The following TMEM67 variants were observed in gnomAD, a reference collection of about 807,000 sequenced individuals.
The protein encoded by TMEM67 is transmembrane protein 67.
TMEM67 carries 124 observed loss-of-function variants against 136.6 expected under a neutral mutation model. That is an observed-to-expected ratio of 0.91 (90% CI 0.78 to 1.05). TMEM67 has a LOEUF of 1.05. Among genes scored for constraint, TMEM67 ranks in the 50% least tolerant of loss-of-function variants. The pLI is 0.00. For synonymous variants in TMEM67, 364 were observed against 390.5 expected, an observed-to-expected ratio of 0.93 and a Z score of 0.80; for missense variants, 1,107 against 1,178.4, an observed-to-expected ratio of 0.94 and a Z score of 0.89.
chr8:93,782,403 A>G lies in TMEM67; in HGVS notation c.1074A>G (p.Pro358=). The change falls in exon 11 of 28, where the codon CCA becomes CCG. Residue 358 remains proline, a synonymous_variant. Coordinates refer to ENST00000453321, the MANE Select transcript of TMEM67 (RefSeq NM_153704.6). ...TLEGGVLQLC[P]DTETRLNAAY... The stretch of plus-strand genomic sequence containing the variant: ...GTATTATTTTGCTGCAGCTTTGTCC[A>G]GACACAGAGACAAGGCTAAATGCTG... 1 of 1,612,626 alleles carries G rather than the reference A, an allele frequency of 6.2e-7. No homozygotes were observed. The highest frequency in any genetic ancestry group is 8.5e-7 in the Non-Finnish European group (1 of 1,179,130).
At chr8:93,755,909 G>A in intron 2 of TMEM67, 43 bp downstream of exon 2, 1 of 1,081,354 alleles carries the variant, frequency 9.2e-7, no homozygotes, top group Non-Finnish European at 1.4e-6. Flanking sequence ...GTAAAAAGTA[G>A]TAAGTTAAAT....
chr8:93,795,338 G>A, intron 16 of TMEM67, 71 bp from the exon 17 acceptor site: 2 of 1,169,500 alleles, frequency 1.7e-6, no homozygotes, highest in Non-Finnish European at 2.6e-6. Context: ...ATGTATAAAA[G>A]TGGTAGTGTT....
chr8:93,816,430 TG>T lies in TMEM67; in HGVS notation c.2968del (p.Asp990IlefsTer5). On this transcript the variant is annotated frameshift_variant, in exon 28 of 28. Transcript: ENST00000453321. LOFTEE classifies it high-confidence loss of function. ...GQKNLASKTL[V>X]DQRFLI Reference sequence around the variant, plus strand: ...AAGAATTTGGCATCCAAAACATTGGTGGATCAAAGATTTTTGATTTAACTTC... The same window carrying T: ...AAGAATTTGGCATCCAAAACATTGGTGATCAAAGATTTTTGATTTAACTTC... 1 of 1,596,684 alleles carries T rather than the reference TG, an allele frequency of 6.3e-7. No individual in the cohort carries two copies. Among genetic ancestry groups the T allele is most frequent in the Non-Finnish European group, 8.6e-7 (1 of 1,165,758 alleles).
Position 93,809,119 on chromosome 8 carries a change from A to T in TMEM67, c.2619A>T (p.Ala873=), listed in dbSNP as rs1469398118. ...SASTFEQSIK[A]YHMMNKFLGS... is the part of the protein sequence containing the mutation. ...GTACTTTTGAGCAGAGTATAAAAGC[A>T]TATCATATGATGAATAAATTTCTTG... The change falls in exon 25 of 28, where the codon GCA becomes GCT. Residue 873 remains alanine (A), a synonymous_variant. Transcript: ENST00000453321. 2 of 1,609,298 alleles carry T rather than the reference A, an allele frequency of 1.2e-6. No individual in the cohort carries two copies. The highest frequency in any genetic ancestry group is 1.7e-6 in the Non-Finnish European group (2 of 1,176,240).
downstream of TMEM67, among the ~76,000 whole-genome samples, chr8:93,821,143 G>GA (rs1390360165): frequency 6.6e-6 from 1 of 152,042 alleles, no homozygotes; most frequent in Non-Finnish European, 1.5e-5. Flanking sequence ...TATCCCAGTG[G>GA]AAAAAATGCA....
chr8:93,813,325 C>T (rs928269932), intron 26 of TMEM67, among the ~76,000 whole-genome samples: 1 of 151,786 alleles, frequency 6.6e-6, no homozygotes, highest in Admixed American at 6.6e-5. Context: ...ATTACAGGCA[C>T]CTGCCACCAC....
chr8:93,827,654 C>T, the TMEM67 span, among the ~76,000 whole-genome samples: 2 of 150,626 alleles, frequency 1.3e-5, no homozygotes, highest in Non-Finnish European at 3.0e-5. Flanking sequence ...GATGAGGATC[C>T]CACTGTGTGG....
intron 2 of TMEM67, among the ~76,000 whole-genome samples, chr8:93,758,158 TTG>T (rs1434106441): frequency 1.3e-5 from 2 of 152,244 alleles, no homozygotes; most frequent in Admixed American, 6.5e-5. Context: ...TTGTGTTGTG[TTG>T]TGTTTTATAT....
intron 2 of TMEM67, 112 bp from the exon 3 acceptor site, chr8:93,758,371 T>C (rs1812675575): frequency 6.5e-6 from 5 of 770,458 alleles, no homozygotes; most frequent in Non-Finnish European, 1.1e-5. Context: ...ATATGTATGA[T>C]TTATTTGAAT....
intron 26 of TMEM67, among the ~76,000 whole-genome samples, chr8:93,810,265 A>G (rs1808650529): frequency 7.1e-6 from 1 of 141,380 alleles, no homozygotes; most frequent in Admixed American, 7.0e-5. Flanking sequence ...CACCACCCCC[A>G]GCTGATATTT....
chr8:93,785,008 C>A (rs1814027764), intron 11 of TMEM67, among the ~76,000 whole-genome samples: 1 of 151,974 alleles, frequency 6.6e-6, no homozygotes, highest in Admixed American at 6.6e-5. Context: ...TGGTTTTGGT[C>A]CTTATAAAAT....
At chr8:93,789,459 A>G (rs1394119328) in intron 14 of TMEM67, among the ~76,000 whole-genome samples, 4 of 152,028 alleles carry the variant, frequency 2.6e-5, no homozygotes, top group Non-Finnish European at 4.4e-5. Context: ...CAGCTTGACC[A>G]ACATAGTGAA....
In TMEM67 at chr8:93,809,886, TG is replaced by T; in HGVS notation, c.2764+1del. On this transcript the variant is annotated frameshift_variant and splice_region_variant, in exon 26 of 28. Transcript: ENST00000453321. LOFTEE classifies it high-confidence loss of function. ...EPMEKSIFYN[D>X]EGYSFSSVLY... ...CAATGGAAAAAAGCATCTTTTACAA[TG>T]GTATCTTCTAAATCCCTTTGTAGAA... is the stretch of plus-strand genomic sequence containing the variant. The T allele has an allele frequency of 6.4e-7, 1 of 1,572,284 alleles. No individual in the cohort carries two copies. The highest frequency in any genetic ancestry group is 8.8e-7 in the Non-Finnish European group (1 of 1,142,542).
At chr8:93,811,787 C>T (rs1808710860) in intron 26 of TMEM67, among the ~76,000 whole-genome samples, 1 of 151,796 alleles carries the variant, frequency 6.6e-6, no homozygotes, top group African/African-American at 2.4e-5. Flanking sequence ...TAGTGAGCGC[C>T]GAGATCGCAC....
intron 7 of TMEM67, among the ~76,000 whole-genome samples, chr8:93,775,449 T>G (rs190426470): frequency 2.0e-5 from 3 of 152,200 alleles, no homozygotes; most frequent in African/African-American, 7.2e-5. Context: ...CTGAATGGTA[T>G]TGCCTAGGTT....
intron 20 of TMEM67, 107 bp from the exon 21 acceptor site, chr8:93,799,511 A>G (rs535209596): frequency 5.9e-6 from 5 of 852,732 alleles, no homozygotes; most frequent in African/African-American, 1.7e-5. Context: ...ACAAACTTAG[A>G]TATTTTAGTT....
At chr8:93,785,818 A>G in intron 12 of TMEM67, 1 of 234,836 alleles carries the variant, frequency 4.3e-6, no homozygotes, top group South Asian at 6.3e-5. Flanking sequence ...TCACGCCTAT[A>G]ATCGCAGCAC....
At position 93,809,177 on chromosome 8, in the gene TMEM67, T is replaced by G; in HGVS notation, c.2661+16T>G. On this transcript the variant is annotated intron_variant, in intron 25 of 27. Transcript: ENST00000453321. ...CATTGACCATGTATGTATGTCAACA[T>G]TTATATTTAAGCTGGGATCAAATGC... is the stretch of plus-strand genomic sequence containing the variant. 1 of 1,370,124 alleles carries G rather than the reference T, an allele frequency of 7.3e-7. No homozygotes were observed. The highest frequency in any genetic ancestry group is 1.0e-6 in the Non-Finnish European group (1 of 959,304). 84.9% of individuals were successfully genotyped at this position (1,370,124 alleles called of 1,614,324 possible).
intron 15 of TMEM67, among the ~76,000 whole-genome samples, chr8:93,791,563 C>T (rs1814376267): frequency 6.6e-6 from 1 of 152,128 alleles, no homozygotes; most frequent in African/African-American, 2.4e-5. Context: ...AGGACCCAAT[C>T]TAGGGTCACA....
Sources: gnomAD v4.1 joint callset for allele counts (sites outside exome capture counted in the v4.1 genomes callset) on GRCh38, gnomAD v4.1.1 for gene constraint, MANE v1.5 for transcripts, NCBI Gene and HGNC (gene_info 2026-07-23, HGNC 2026-07-21) for gene names.